The following ANKRD36 variants were observed in gnomAD, a reference collection of about 807,000 sequenced individuals.
ANKRD36 encodes the protein ankyrin repeat domain-containing protein 36A.
Under a neutral mutation model 278.1 loss-of-function variants are expected in ANKRD36, and 179 were observed. The ratio of observed to expected loss-of-function variants is 0.64; its 90% confidence interval spans 0.57 to 0.73. The LOEUF is 0.73. Ranked by LOEUF, ANKRD36 falls within the 30% of genes least tolerant of loss-of-function variation. The probability of loss-of-function intolerance (pLI) is 0.00; values close to 1 mark genes in which losing one functional copy is unlikely to be tolerated. For missense variants in ANKRD36, 1,159 were observed against 1,956.7 expected, an observed-to-expected ratio of 0.59 and a Z score of 7.69; for synonymous variants, 320 against 641.1, an observed-to-expected ratio of 0.50 and a Z score of 7.57.
intron 22 of ANKRD36, among the ~76,000 whole-genome samples, chr2:97,170,991 C>T (rs2052314768): frequency 6.6e-6 from 1 of 151,640 alleles, no homozygotes; most frequent in Admixed American, 6.6e-5. Context: ...CAAATCAAAA[C>T]CACTGTGAGA....
chr2:97,127,719 G>A (rs1160973201), intron 6 of ANKRD36, among the ~76,000 whole-genome samples: 1 of 151,962 alleles, frequency 6.6e-6, no homozygotes, highest in Non-Finnish European at 1.5e-5. Context: ...TCAATCTAGT[G>A]TAAGGTGTTC....
rs530580247 is a variant in ANKRD36 at position 97,158,773 on chromosome 2, A to G, written c.1389+118A>G. The G allele has an allele frequency of 5.0e-4, 553 of 1,099,122 alleles. 3 individuals carry two copies. Among genetic ancestry groups the G allele is most frequent in the African/African-American group, 4.9e-3 (312 of 63,574 alleles). The allele number at this position is 1,099,122 out of a possible 1,614,324, so 68.1% of individuals were successfully genotyped here. On this transcript the variant is annotated intron_variant, in intron 17 of 75. Transcript: ENST00000420699. ...TACAATGGTAAATTGTTTTATTTGG[A>G]AAATATTTTTCCCGTGCTTTATTCA...
At chr2:97,205,812 A>T (rs2153610609) in intron 50 of ANKRD36, 128 bp from the exon 51 acceptor site, 1 of 1,305,928 alleles carries the variant, frequency 7.7e-7, no homozygotes. Flanking sequence ...CCAGACACAA[A>T]GTAGAAGCCA....
In ANKRD36 at chr2:97,243,993, G is replaced by C. The variant is rs1217937195; in HGVS notation, c.4455G>C (p.Glu1485Asp). Residue 1485 changes from glutamate (E) to aspartate (D), a missense_variant, in exon 70 of 76, where the codon GAG becomes GAC. By Grantham distance (45) the Glu-to-Asp change is conservative (BLOSUM62 2). Coordinates refer to ENST00000420699, the MANE Select transcript of ANKRD36 (RefSeq NM_001354587.1). ...TTAAACCGGCTCTCAAATCAGCAGA[G>C]GTGGAATTGAAGACAGGAGGAAATA... is the stretch of plus-strand genomic sequence containing the variant. ...KPIKPALKSA[E>D]VELKTGGNNS... is the part of the protein sequence containing the mutation. 6.3e-7 allele frequency: 1 copy of C among 1,598,032 alleles called. No individual in the cohort carries two copies. The highest frequency in any genetic ancestry group is 8.5e-7 in the Non-Finnish European group (1 of 1,173,934).
intron 46 of ANKRD36, 116 bp downstream of exon 46, chr2:97,200,641 A>G (rs2153594359): frequency 6.8e-7 from 1 of 1,463,112 alleles, no homozygotes; most frequent in Non-Finnish European, 9.2e-7. Context: ...CAAGCTTGAG[A>G]TTCTTCTTTT....
At chr2:97,195,004 G>C in intron 40 of ANKRD36, 87 bp downstream of exon 40, 2 of 1,491,462 alleles carry the variant, frequency 1.3e-6, no homozygotes, top group Non-Finnish European at 1.8e-6. Flanking sequence ...GCTGGTCAAA[G>C]ATGCACATTC....
chr2:97,179,104 A>T (rs2443860), intron 22 of ANKRD36, among the ~76,000 whole-genome samples: 1 of 151,652 alleles, frequency 6.6e-6, no homozygotes, highest in Non-Finnish European at 1.5e-5. Context: ...AGGAACTTTT[A>T]GAAGTCTAAA....
intron 10 of ANKRD36, 121 bp downstream of exon 10, chr2:97,144,833 T>C: frequency 1.5e-6 from 2 of 1,325,304 alleles, no homozygotes. Flanking sequence ...CCTGAGATTC[T>C]GCATTTGTAA....
At chr2:97,207,672 C>T (rs1009414792) in intron 52 of ANKRD36, 139 bp from the exon 53 acceptor site, 36 of 1,373,296 alleles carry the variant, frequency 2.6e-5, no homozygotes, top group Admixed American at 1.0e-4. Flanking sequence ...TGTTCTAGTC[C>T]CCAGACACAA....
At chr2:97,178,637 A>G (rs1487628556) in intron 22 of ANKRD36, among the ~76,000 whole-genome samples, 2 of 135,360 alleles carry the variant, frequency 1.5e-5, no homozygotes, top group Non-Finnish European at 3.1e-5. Flanking sequence ...ATGAGATCAC[A>G]TGGACACAGG....
chr2:97,193,603 T>C (rs1446951407), intron 38 of ANKRD36, among the ~76,000 whole-genome samples: 4 of 151,142 alleles, frequency 2.6e-5, no homozygotes, highest in Non-Finnish European at 4.4e-5. Context: ...TCAGATGCAC[T>C]TGGAATATTT....
In ANKRD36 at chr2:97,142,832, A is replaced by G. The variant is rs896156798; in HGVS notation, c.898A>G (p.Thr300Ala). 5.1e-6 allele frequency: 8 copies of G among 1,558,902 alleles called. No homozygotes were observed. In the African/African-American group the frequency reaches 1.1e-4, roughly 21 times the overall value. The change falls in exon 8 of 76, where the codon ACA (threonine) becomes GCA (alanine). Residue 300 changes from threonine to alanine, a missense_variant. Thr to Ala is a moderately conservative substitution (Grantham distance 58, BLOSUM62 0). Transcript: ENST00000420699. ...AATAAAGGATGGACAAAAATCTGGG[A>G]CAGGTATTTTGGAATACACATTTAA... ...TEIKDGQKSG[T>A]VSSQKQPALK...
At chr2:97,121,387 T>C (rs931548925) in intron 3 of ANKRD36, among the ~76,000 whole-genome samples, 2 of 152,096 alleles carry the variant, frequency 1.3e-5, no homozygotes, top group African/African-American at 4.8e-5. Flanking sequence ...ACGCCTGTAA[T>C]CCTAGCACTT....
At chr2:97,196,286 G>C (rs2059736073) in intron 40 of ANKRD36, among the ~76,000 whole-genome samples, 2 of 151,832 alleles carry the variant, frequency 1.3e-5, no homozygotes, top group Non-Finnish European at 2.9e-5. Flanking sequence ...TTGCTCCTCT[G>C]ATTTTAGATC....
At chr2:97,216,679 G>A (rs1307564393) in intron 62 of ANKRD36, 3 of 302,670 alleles carry the variant, frequency 9.9e-6, no homozygotes, top group African/African-American at 6.7e-5. Context: ...CCACTGAAGA[G>A]ACGTGAAGTG....
At chr2:97,204,495 A>T (rs192652081) in intron 50 of ANKRD36, among the ~76,000 whole-genome samples, 1 of 151,474 alleles carries the variant, frequency 6.6e-6, no homozygotes, top group African/African-American at 2.4e-5. Context: ...AGAAATATGG[A>T]GAGCAGTTCA....
intron 67 of ANKRD36, among the ~76,000 whole-genome samples, chr2:97,226,066 A>C (rs191846978): frequency 0.025 from 3,780 of 151,104 alleles, 120 homozygotes; most frequent in African/African-American, 0.088. Context: ...TGCTATTGTG[A>C]ATAGTGCCGC....
Position 97,194,217 on chromosome 2 carries a change from C to G in ANKRD36, c.2450-509C>G, listed in dbSNP as rs143461484. Reference sequence around the variant, plus strand: ...CCAAGGTGATCAATTCAGGACACTTCCACTGAAGAGATGTGAAGTGTACGT... The same window carrying G: ...CCAAGGTGATCAATTCAGGACACTTGCACTGAAGAGATGTGAAGTGTACGT... On this transcript the variant is annotated intron_variant, in intron 38 of 75. Coordinates refer to ENST00000420699, the MANE Select transcript of ANKRD36 (RefSeq NM_001354587.1). Among the ~76,000 whole-genome samples the G allele has an allele frequency of 1.5e-3, 232 of 151,684 alleles. 7 individuals carry two copies. In the East Asian group the frequency reaches 0.017, roughly 11 times the overall value.
chr2:97,131,173 C>A (rs2040041567), intron 6 of ANKRD36, among the ~76,000 whole-genome samples: 1 of 151,558 alleles, frequency 6.6e-6, no homozygotes, highest in African/African-American at 2.4e-5. Context: ...CACCTTTAAC[C>A]ATTTATATAT....
Sources: gnomAD v4.1 joint callset for allele counts (sites outside exome capture counted in the v4.1 genomes callset) on GRCh38, gnomAD v4.1.1 for gene constraint, MANE v1.5 for transcripts, NCBI Gene and HGNC (gene_info 2026-07-23, HGNC 2026-07-21) for gene names.